TOM1L2: variants seen among roughly 807,000 people sequenced by gnomAD.
TOM1L2 encodes target of myb1 like 2 membrane trafficking protein, also known as TOM1-like protein 2.
Under a neutral mutation model 67.9 loss-of-function variants are expected in TOM1L2, and 31 were observed. The ratio of observed to expected loss-of-function variants is 0.46; its 90% CI spans 0.34 to 0.62. The LOEUF (loss-of-function observed/expected upper bound fraction) is 0.62. Ranked by LOEUF, TOM1L2 falls within the 20% of genes least tolerant of loss-of-function variation. The probability of loss-of-function intolerance (pLI) is 0.01; values close to 1 mark genes in which losing one functional copy is unlikely to be tolerated. For synonymous variants in TOM1L2, 256 were observed against 254.0 expected (o/e 1.01, Z -0.07); for missense variants, 606 against 663.5 (o/e 0.91, Z 0.95).
At chr17:17,868,411 A>G (rs2036971934) in intron 8 of TOM1L2, among the ~76,000 whole-genome samples, 1 of 152,190 alleles carries the variant, frequency 6.6e-6, no homozygotes. Flanking sequence ...CACTCACCCT[A>G]ACTGATGCCA....
intron 1 of TOM1L2, among the ~76,000 whole-genome samples, chr17:17,943,585 C>T (rs1000444891): frequency 2.6e-5 from 4 of 152,316 alleles, no homozygotes; most frequent in South Asian, 2.1e-4. Flanking sequence ...GAGCTGCCTC[C>T]AGATCTCTCT....
At chr17:17,890,563 CAGG>C (rs2038223652) in intron 4 of TOM1L2, among the ~76,000 whole-genome samples, 1 of 152,182 alleles carries the variant, frequency 6.6e-6, no homozygotes, top group South Asian at 2.1e-4. Context: ...GTTCACACAA[CAGG>C]ACTTGGCACA....
intron 1 of TOM1L2, among the ~76,000 whole-genome samples, chr17:17,954,477 T>C (rs2041344837): frequency 6.6e-6 from 1 of 152,188 alleles, no homozygotes; most frequent in South Asian, 2.1e-4. Flanking sequence ...CATGTCCTGC[T>C]AATTTTTGTA....
At chr17:17,929,281 TCTG>T (rs1325566921) in intron 1 of TOM1L2, among the ~76,000 whole-genome samples, 1 of 152,138 alleles carries the variant, frequency 6.6e-6, no homozygotes, top group Non-Finnish European at 1.5e-5. Flanking sequence ...CTCCATCTCT[TCTG>T]CTTAGAGCTG....
chr17:17,885,051 C>A (rs549624715), intron 4 of TOM1L2, among the ~76,000 whole-genome samples: 3 of 152,164 alleles, frequency 2.0e-5, no homozygotes, highest in Non-Finnish European at 4.4e-5. Flanking sequence ...CACCTATGCA[C>A]GGTGGTGCAT....
chr17:17,854,677 A>G (rs1598181376), intron 12 of TOM1L2, among the ~76,000 whole-genome samples: 1 of 149,740 alleles, frequency 6.7e-6, no homozygotes, highest in Non-Finnish European at 1.5e-5. Context: ...GGCGTGAGCC[A>G]CCACACCTGC....
Position 17,843,658 on chromosome 17 carries a change from GA to G in TOM1L2, c.*3976del. ...CCCTCCAGAACCAGCTCTGCCCACAGAAACACATGACAGTGACAAAAACACT... is the reference window on the plus strand; with the variant it reads ...CCCTCCAGAACCAGCTCTGCCCACAGAACACATGACAGTGACAAAAACACT... On this transcript the variant is annotated 3_prime_UTR_variant, in exon 15 of 15. Coordinates refer to ENST00000379504, the MANE Select transcript of TOM1L2 (RefSeq NM_001082968.2). 6.6e-6 allele frequency: 1 copy of G among 151,996 alleles called. No individual in the cohort carries two copies. Among genetic ancestry groups the G allele is most frequent in the Admixed American group, 6.5e-5 (1 of 15,288 alleles). 9.4% of individuals were successfully genotyped at this position (151,996 alleles called of 1,614,324 possible).
At chr17:17,927,639 TATG>T (rs963379600) in intron 1 of TOM1L2, among the ~76,000 whole-genome samples, 29 of 152,084 alleles carry the variant, frequency 1.9e-4, no homozygotes, top group African/African-American at 7.0e-4. Context: ...TTATTTTAGA[TATG>T]ATAATAAGCT....
At chr17:17,902,286 G>A (rs942909808) in intron 2 of TOM1L2, among the ~76,000 whole-genome samples, 5 of 152,226 alleles carry the variant, frequency 3.3e-5, no homozygotes, top group African/African-American at 1.2e-4. Flanking sequence ...CATTCCTCAG[G>A]CTGATGGTGA....
At chr17:17,921,758 G>A (rs970718582) in intron 1 of TOM1L2, among the ~76,000 whole-genome samples, 1 of 148,092 alleles carries the variant, frequency 6.8e-6, no homozygotes, top group Non-Finnish European at 1.5e-5. Context: ...GGGCGGGGTG[G>A]GGGGGTGGGA....
chr17:17,860,316 G>C (rs1043590757), intron 12 of TOM1L2, among the ~76,000 whole-genome samples: 1 of 152,226 alleles, frequency 6.6e-6, no homozygotes, highest in African/African-American at 2.4e-5. Flanking sequence ...AGTCTCAGGG[G>C]TTCAGGTGGC....
chr17:17,927,177 TAAA>T (rs1038649080), intron 1 of TOM1L2, among the ~76,000 whole-genome samples: 2 of 152,316 alleles, frequency 1.3e-5, no homozygotes, highest in East Asian at 3.9e-4. Flanking sequence ...TCTTTAGCAC[TAAA>T]AAAACCAACA....
chr17:17,899,981 G>A (rs1327093376), intron 2 of TOM1L2, among the ~76,000 whole-genome samples: 1 of 152,192 alleles, frequency 6.6e-6, no homozygotes, highest in African/African-American at 2.4e-5. Context: ...GGAGACCAAG[G>A]CAGGTGGATA....
intron 2 of TOM1L2, among the ~76,000 whole-genome samples, chr17:17,906,000 G>T (rs2039080395): frequency 6.6e-6 from 1 of 152,050 alleles, no homozygotes; most frequent in African/African-American, 2.4e-5. Flanking sequence ...GGACTTCTGG[G>T]TTTGCTGTTC....
intron 1 of TOM1L2, among the ~76,000 whole-genome samples, chr17:17,952,376 CTTTTTTTTTTTTTT>C (rs60388742): frequency 8.1e-4 from 65 of 79,902 alleles, no homozygotes; most frequent in African/African-American, 2.3e-3. Context: ...TCTTTATTTT[CTTTTTTTTTTTTTT>C]TTTTTTTTTT....
intron 1 of TOM1L2, among the ~76,000 whole-genome samples, chr17:17,928,969 T>C (rs1395580580): frequency 1.3e-5 from 2 of 152,234 alleles, no homozygotes; most frequent in African/African-American, 4.8e-5. Flanking sequence ...AGATCCTTGC[T>C]GGACCACACA....
intron 1 of TOM1L2, among the ~76,000 whole-genome samples, chr17:17,909,587 C>T (rs1452118301): frequency 1.0e-4 from 7 of 68,018 alleles, no homozygotes; most frequent in African/African-American, 2.4e-4. Context: ...CCAGAGGCTG[C>T]TGGGGGGTGT....
In TOM1L2 at chr17:17,847,415, G is replaced by C. The variant is rs1443560159; in HGVS notation, c.*220C>G. On this transcript the variant is annotated 3_prime_UTR_variant, in exon 15 of 15. Coordinates refer to ENST00000379504, the MANE Select transcript of TOM1L2 (RefSeq NM_001082968.2). ...GGGCAGAGGGGCCCATGGTGGGAGG[G>C]GAGAGAGTCTCTGGCTGCAGTTGTC... The C allele has an allele frequency of 1.6e-6, 1 of 608,960 alleles. No homozygotes were observed. The highest frequency in any genetic ancestry group is 2.8e-6 in the Non-Finnish European group (1 of 358,272). The allele number at this position is 608,960 out of a possible 1,614,324, so 37.7% of individuals were successfully genotyped here.
intron 12 of TOM1L2, among the ~76,000 whole-genome samples, chr17:17,851,933 G>A (rs915979647): frequency 3.9e-5 from 6 of 152,180 alleles, no homozygotes; most frequent in African/African-American, 1.4e-4. Context: ...GGCTAAAAAG[G>A]TTTAAGTTGC....
Sources: gnomAD v4.1 joint callset for allele counts (sites outside exome capture counted in the v4.1 genomes callset) on GRCh38, gnomAD v4.1.1 for gene constraint, MANE v1.5 for transcripts, NCBI Gene and HGNC (gene_info 2026-07-23, HGNC 2026-07-21) for gene names.